Variants in KCNQ2 observed in about 807,000 individuals in gnomAD.
The protein encoded by KCNQ2 is potassium voltage-gated channel subfamily KQT member 2.
In KCNQ2, 14 loss-of-function variants were observed where a neutral mutation model predicts 84.8. The observed-to-expected ratio is 0.17, with a 90% CI of 0.11 to 0.26. The LOEUF is 0.26. Among genes scored for constraint, KCNQ2 ranks in the 10% least tolerant of loss-of-function variants. The probability of loss-of-function intolerance (pLI) is 1.00; values close to 1 mark genes in which losing one functional copy is unlikely to be tolerated. For missense variants in KCNQ2, 788 were observed against 1,254.0 expected, an observed-to-expected ratio of 0.63 and a Z score of 5.61; for synonymous variants, 599 against 554.1, an observed-to-expected ratio of 1.08 and a Z score of -1.14.
intron 8 of KCNQ2, chr20:63,433,299 A>C (rs2080887116): frequency 5.0e-6 from 1 of 198,552 alleles, no homozygotes; most frequent in African/African-American, 2.4e-5. Flanking sequence ...GTTGGGGAAC[A>C]CCTGGGACCC....
chr20:63,439,143 C>A lies in KCNQ2; in HGVS notation c.928-423G>T, dbSNP rs974451287. Reference sequence around the variant, plus strand: ...ACAGTGAAGGGGACACCGGGGCCAGCCTCTTGCCGTGCACCAGCTGCCCTG... The same window carrying A: ...ACAGTGAAGGGGACACCGGGGCCAGACTCTTGCCGTGCACCAGCTGCCCTG... On this transcript the variant is annotated intron_variant, in intron 6 of 16. Coordinates refer to ENST00000359125, the MANE Select transcript of KCNQ2 (RefSeq NM_172107.4). Among the ~76,000 whole-genome samples, 5 of 152,286 alleles carry A rather than the reference C, an allele frequency of 3.3e-5. No homozygotes were observed. In the East Asian group the frequency reaches 9.6e-4, roughly 29 times the overall value.
rs758530960 is a variant in KCNQ2 at position 63,406,984 on chromosome 20, C to T, written c.2279G>A (p.Arg760His). 2.2e-5 allele frequency: 33 copies of T among 1,521,882 alleles called. No individual in the cohort carries two copies. Among genetic ancestry groups the T allele is most frequent in the Admixed American group, 5.9e-5 (3 of 50,482 alleles). The allele number at this position is 1,521,882 out of a possible 1,614,324, so 94.3% of individuals were successfully genotyped here. ...RSLSAYGGGN[R>H]ASMEFLRQED... ...CTGCCGCAGGAACTCCATGCTGGCG[C>T]GGTTGCCCCCGCCGTAGGCGGACAG... The change falls in exon 17 of 17, where the codon CGC (arginine) becomes CAC (histidine). Residue 760 changes from arginine to histidine, a missense_variant. By Grantham distance (29) the Arg-to-His change is conservative (BLOSUM62 0). Transcript: ENST00000359125.
rs561900213 is a variant in KCNQ2 at position 63,460,226 on chromosome 20, T to A, written c.296+11942A>T. ...TGACCCTGCAGGTCCCTCCCTGGCC[T>A]TACCCAAGCCCTTAGCAGCTTTGGG... is the stretch of plus-strand genomic sequence containing the variant. On this transcript the variant is annotated intron_variant, in intron 1 of 16. Transcript: ENST00000359125. The surrounding 1 kb of genome is among the most constrained non-coding windows in gnomAD (Gnocchi z 5.4). Among the ~76,000 whole-genome samples, 1 of 152,260 alleles carries A rather than the reference T, an allele frequency of 6.6e-6. No individual in the cohort carries two copies. Among genetic ancestry groups the A allele is most frequent in the South Asian group, 2.1e-4 (1 of 4,826 alleles).
chr20:63,447,977 G>A (rs905785435), intron 1 of KCNQ2: 3 of 152,274 alleles, frequency 2.0e-5, no homozygotes, highest in Admixed American at 2.0e-4. Context: ...GCCCACCCCA[G>A]GAAGCTGCAG....
intron 1 of KCNQ2, chr20:63,471,249 C>G (rs1413454999): frequency 6.6e-6 from 1 of 152,320 alleles, no homozygotes; most frequent in East Asian, 1.9e-4. Flanking sequence ...CGCCCTGGCG[C>G]GGGGAGGCTG....
intron 1 of KCNQ2, among the ~76,000 whole-genome samples, chr20:63,465,922 G>C (rs57647150): frequency 1.1e-4 from 17 of 152,328 alleles, no homozygotes; most frequent in African/African-American, 3.6e-4. Context: ...GTGCTGAGGC[G>C]TCCCGGCGGG....
At chr20:63,456,778 C>T (rs2081811025) in intron 1 of KCNQ2, among the ~76,000 whole-genome samples, 1 of 152,232 alleles carries the variant, frequency 6.6e-6, no homozygotes, top group African/African-American at 2.4e-5. Context: ...ATGCACCCCT[C>T]TCCCACTGCA....
chr20:63,414,305 C>G lies in KCNQ2; in HGVS notation c.1526-112G>C. 1 of 761,952 alleles carries G rather than the reference C, an allele frequency of 1.3e-6. No individual in the cohort carries two copies. The highest frequency in any genetic ancestry group is 2.3e-6 in the Non-Finnish European group (1 of 438,638). The allele number at this position is 761,952 out of a possible 1,614,324, so 47.2% of individuals were successfully genotyped here. ...GCGCCAGGGAGCCCCTCGAGGCTCC[C>G]TGTGGTGCCCCTCGGGTGCACCTGC... On this transcript the variant is annotated intron_variant, in intron 13 of 16. Transcript: ENST00000359125. The surrounding 1 kb of genome is among the most constrained non-coding windows in gnomAD (Gnocchi z 6.6).
chr20:63,442,227 C>G (rs1042065254), intron 5 of KCNQ2, among the ~76,000 whole-genome samples, 179 bp downstream of exon 5: 1 of 148,192 alleles, frequency 6.7e-6, no homozygotes, highest in Non-Finnish European at 1.5e-5. Flanking sequence ...CCCACCCACT[C>G]CCCCGCCAGC....
chr20:63,453,133 G>C (rs965320544), intron 1 of KCNQ2, among the ~76,000 whole-genome samples: 4 of 152,008 alleles, frequency 2.6e-5, no homozygotes, highest in Non-Finnish European at 4.4e-5. Flanking sequence ...GGTGGACGTC[G>C]GCACAGCAGC....
At chr20:63,462,159 C>T (rs1600852760) in intron 1 of KCNQ2, among the ~76,000 whole-genome samples, 1 of 133,012 alleles carries the variant, frequency 7.5e-6, no homozygotes, top group Middle Eastern at 4.8e-3. Context: ...AGGGAGGAGG[C>T]TGCACCTACC....
In KCNQ2 at chr20:63,408,353, G is replaced by C; in HGVS notation, c.1887+60C>G. The C allele has an allele frequency of 6.3e-7, 1 of 1,593,460 alleles. No individual in the cohort carries two copies. The highest frequency in any genetic ancestry group is 8.5e-7 in the Non-Finnish European group (1 of 1,174,912). Reference sequence around the variant, plus strand: ...AGCCCCTGAAGCCCACACTGCCACAGGTTGACGGCAGGCACCACAGCCCTC... The same window carrying C: ...AGCCCCTGAAGCCCACACTGCCACACGTTGACGGCAGGCACCACAGCCCTC... On this transcript the variant is annotated intron_variant, in intron 16 of 16. Transcript: ENST00000359125. This position sits in a 1 kb window ranked among gnomAD's most constrained non-coding sequence, Gnocchi z 5.0.
intron 1 of KCNQ2, among the ~76,000 whole-genome samples, chr20:63,452,476 G>A (rs1257243890): frequency 2.0e-5 from 3 of 152,224 alleles, no homozygotes; most frequent in Non-Finnish European, 4.4e-5. Context: ...CTTGAAGTCC[G>A]CTGAGCTAAG....
chr20:63,433,418 A>C, intron 8 of KCNQ2: 1 of 412,074 alleles, frequency 2.4e-6, no homozygotes, highest in South Asian at 2.7e-5. Flanking sequence ...GGGTCATGGT[A>C]CTGGTTCCAC....
At chr20:63,413,119 TACA>T (rs2080172753) in intron 15 of KCNQ2, among the ~76,000 whole-genome samples, 2 of 152,064 alleles carry the variant, frequency 1.3e-5, no homozygotes, top group South Asian at 2.1e-4. Flanking sequence ...CACACGTGCA[TACA>T]ACCACACACA....
chr20:63,458,480 C>T (rs1243309046), intron 1 of KCNQ2, among the ~76,000 whole-genome samples: 1 of 152,210 alleles, frequency 6.6e-6, no homozygotes, highest in Non-Finnish European at 1.5e-5. Context: ...CCCGCAGGTC[C>T]CAGAGCCGCC....
intron 11 of KCNQ2, chr20:63,423,628 G>A (rs1397471425): frequency 6.5e-6 from 1 of 153,854 alleles, no homozygotes; most frequent in Non-Finnish European, 1.4e-5. Context: ...TTGGCAAACA[G>A]GGAGAGGAGG....
At chr20:63,451,154 G>GAAAC (rs998011912) in intron 1 of KCNQ2, among the ~76,000 whole-genome samples, 2 of 143,590 alleles carry the variant, frequency 1.4e-5, no homozygotes, top group Non-Finnish European at 3.0e-5. Context: ...AAAAAAAAAA[G>GAAAC]AAACAAACAA....
intron 8 of KCNQ2, among the ~76,000 whole-genome samples, chr20:63,431,776 A>G (rs889337196): frequency 1.3e-5 from 2 of 152,316 alleles, no homozygotes; most frequent in Non-Finnish European, 1.5e-5. Flanking sequence ...CACCCTGGCC[A>G]ACTCAGGATC....
Sources: allele counts gnomAD v4.1 joint callset (sites outside exome capture counted in the v4.1 genomes callset), GRCh38; gene constraint gnomAD v4.1.1; non-coding constraint Gnocchi (gnomAD v3.1); transcripts MANE v1.5; gene names NCBI Gene and HGNC (gene_info 2026-07-23, HGNC 2026-07-21).